The following NLK variants were observed in gnomAD, a reference collection of about 807,000 sequenced individuals.
NLK encodes serine/threonine-protein kinase NLK.
NLK carries 11 observed loss-of-function variants against 59.0 expected under a neutral mutation model. The observed-to-expected ratio is 0.19, with a 90% CI of 0.12 to 0.31. The LOEUF (loss-of-function observed/expected upper bound fraction) is 0.31. Ranked by LOEUF, NLK falls within the 10% of genes least tolerant of loss-of-function variation. The pLI is 1.00. For synonymous variants in NLK, 235 were observed against 235.9 expected, an observed-to-expected ratio of 1.00 and a Z score of 0.03; for missense variants, 410 against 661.1, an observed-to-expected ratio of 0.62 and a Z score of 4.16.
chr17:28,083,837 C>T (rs1910425917), intron 1 of NLK, among the ~76,000 whole-genome samples: 1 of 151,980 alleles, frequency 6.6e-6, no homozygotes, highest in Non-Finnish European at 1.5e-5. Context: ...TTTGTATGAC[C>T]CTTAAATAAT....
intron 1 of NLK, among the ~76,000 whole-genome samples, chr17:28,112,511 G>C (rs1215197080): frequency 1.3e-5 from 2 of 152,224 alleles, no homozygotes; most frequent in East Asian, 3.9e-4. Context: ...ACTTAAATTT[G>C]TCATTTGACT....
intron 3 of NLK, among the ~76,000 whole-genome samples, chr17:28,144,632 T>C (rs1046984812): frequency 4.6e-5 from 7 of 152,222 alleles, no homozygotes; most frequent in African/African-American, 1.7e-4. Flanking sequence ...ACCTTCTGAT[T>C]ATTAACCTCT....
chr17:28,108,977 G>C (rs1905335703), intron 1 of NLK, among the ~76,000 whole-genome samples: 1 of 152,036 alleles, frequency 6.6e-6, no homozygotes, highest in Admixed American at 6.6e-5. Flanking sequence ...GACAATCCTG[G>C]TTAACATGGT....
At chr17:28,161,993 T>C (rs566234085) in intron 4 of NLK, among the ~76,000 whole-genome samples, 1 of 152,136 alleles carries the variant, frequency 6.6e-6, no homozygotes, top group East Asian at 1.9e-4. Context: ...GATTGAAAAA[T>C]AAATGCCAAA....
intron 1 of NLK, among the ~76,000 whole-genome samples, chr17:28,082,287 C>A (rs766178109): frequency 1.3e-5 from 2 of 152,162 alleles, no homozygotes; most frequent in Non-Finnish European, 2.9e-5. Context: ...TCTGACAGAC[C>A]TGGCCAAAGA....
intron 1 of NLK, among the ~76,000 whole-genome samples, chr17:28,082,914 T>G (rs192798312): frequency 1.0e-3 from 157 of 152,348 alleles, no homozygotes; most frequent in African/African-American, 3.6e-3. Context: ...GGCTATACTA[T>G]GTAGTCTAAT....
At chr17:28,167,113 A>G (rs1908266851) in intron 5 of NLK, among the ~76,000 whole-genome samples, 2 of 152,242 alleles carry the variant, frequency 1.3e-5, no homozygotes, top group Admixed American at 6.5e-5. Context: ...AGAAATTCAC[A>G]TATATTTCAT....
chr17:28,055,090 T>C (rs1434785675), intron 1 of NLK, among the ~76,000 whole-genome samples: 2 of 151,202 alleles, frequency 1.3e-5, no homozygotes, highest in African/African-American at 2.5e-5. Flanking sequence ...TGGGGATTTT[T>C]TTTTCTTTTT....
intron 1 of NLK, among the ~76,000 whole-genome samples, chr17:28,120,573 G>A (rs1567719506): frequency 6.6e-6 from 1 of 152,052 alleles, no homozygotes; most frequent in African/African-American, 2.4e-5. Flanking sequence ...CTTTAATTGT[G>A]CCACTGCACT....
intron 1 of NLK, among the ~76,000 whole-genome samples, chr17:28,085,555 C>T (rs775670668): frequency 2.0e-5 from 3 of 152,072 alleles, no homozygotes; most frequent in Non-Finnish European, 2.9e-5. Context: ...GCCTGGCCAA[C>T]GTGGTGAAAC....
chr17:28,098,755 T>C (rs1483223077), intron 1 of NLK, among the ~76,000 whole-genome samples: 1 of 146,214 alleles, frequency 6.8e-6, no homozygotes. Flanking sequence ...CCATCTCGGC[T>C]CACCACACCC....
chr17:28,114,363 A>T (rs1325572604), intron 1 of NLK, among the ~76,000 whole-genome samples: 4 of 152,156 alleles, frequency 2.6e-5, no homozygotes, highest in Non-Finnish European at 4.4e-5. Context: ...CTCCTAAACT[A>T]TAAGAATTTC....
intron 1 of NLK, among the ~76,000 whole-genome samples, chr17:28,082,807 A>T (rs769862131): frequency 1.3e-5 from 2 of 152,214 alleles, no homozygotes; most frequent in Non-Finnish European, 2.9e-5. Flanking sequence ...ATGTCTACGT[A>T]ATATAACATA....
chr17:28,170,168 G>A (rs901087545), intron 6 of NLK, among the ~76,000 whole-genome samples: 1 of 152,170 alleles, frequency 6.6e-6, no homozygotes, highest in Non-Finnish European at 1.5e-5. Context: ...TGGAGGGAAG[G>A]TATGTGATGG....
At chr17:28,179,872 G>GTTTTTTT (rs34411493) in intron 7 of NLK, among the ~76,000 whole-genome samples, 42 of 79,400 alleles carry the variant, frequency 5.3e-4, no homozygotes, top group Middle Eastern at 9.4e-3. Flanking sequence ...AGCATTCTTG[G>GTTTTTTT]TTTTTTTTTT....
chr17:28,150,526 T>G (rs1215709513), intron 3 of NLK, among the ~76,000 whole-genome samples: 1 of 152,200 alleles, frequency 6.6e-6, no homozygotes, highest in Non-Finnish European at 1.5e-5. Context: ...TGTTCTCCAG[T>G]GACTAACATG....
Position 28,111,896 on chromosome 17 carries a change from G to T in NLK, c.459-10707G>T, listed in dbSNP as rs200641162. Reference sequence around the variant, plus strand: ...TGTGTGTGTGTGTGTGTGTGTGTGTGGTGTGTGTGTGTGTGTGTGTGTGTG... The same window carrying T: ...TGTGTGTGTGTGTGTGTGTGTGTGTTGTGTGTGTGTGTGTGTGTGTGTGTG... On this transcript the variant is annotated intron_variant, in intron 1 of 10. Transcript: ENST00000407008. Among the ~76,000 whole-genome samples, 348 of 67,468 alleles carry T rather than the reference G, an allele frequency of 5.2e-3. 1 individual carries two copies. The highest frequency in any genetic ancestry group is 7.3e-3 in the African/African-American group (119 of 16,270). The allele number at this position is 67,468 out of a possible 152,430, so 44.3% of individuals were successfully genotyped here. A position where few individuals can be genotyped will look rare whatever the true frequency, so the allele number is the denominator to read the frequency against.
intron 1 of NLK, among the ~76,000 whole-genome samples, chr17:28,098,675 CTTT>C (rs781294029): frequency 1.5e-5 from 1 of 67,564 alleles, no homozygotes; most frequent in African/African-American, 6.2e-5. Flanking sequence ...CATTACCATT[CTTT>C]TTTTTTTTTT....
At chr17:28,144,772 G>C (rs1907170506) in intron 3 of NLK, among the ~76,000 whole-genome samples, 1 of 152,192 alleles carries the variant, frequency 6.6e-6, no homozygotes, top group African/African-American at 2.4e-5. Context: ...GCATGTGTTA[G>C]GTGGAGACCT....
Sources: gnomAD v4.1 joint callset for allele counts (sites outside exome capture counted in the v4.1 genomes callset) on GRCh38, gnomAD v4.1.1 for gene constraint, MANE v1.5 for transcripts, NCBI Gene and HGNC (gene_info 2026-07-23, HGNC 2026-07-21) for gene names.